Variants in COL16A1 observed in about 807,000 individuals in gnomAD.
COL16A1 encodes the protein collagen alpha-1(XVI) chain.
COL16A1 carries 189 observed loss-of-function variants against 266.3 expected under a neutral mutation model. The ratio of observed to expected loss-of-function variants is 0.71; its 90% CI spans 0.63 to 0.80. The LOEUF is 0.80. Ranked by LOEUF, COL16A1 falls within the 30% of genes least tolerant of loss-of-function variation. The pLI is 0.00. For missense variants in COL16A1, 1,928 were observed against 2,122.4 expected, an observed-to-expected ratio of 0.91 and a Z score of 1.80; for synonymous variants, 740 against 782.3, an observed-to-expected ratio of 0.95 and a Z score of 0.90.
At position 31,693,090 on chromosome 1, in the gene COL16A1, AC is replaced by A. The variant is rs745664772; in HGVS notation, c.1071+1del. On this transcript the variant is annotated splice_donor_variant, in intron 13 of 70. Transcript: ENST00000373672. LOFTEE classifies it high-confidence loss of function. The stretch of plus-strand genomic sequence containing the variant: ...TGCCACGGGCAGGGCTGGGACACTT[AC>A]CCGTGCTCCCTTCTCTCCCTTGGAG... The A allele has an allele frequency of 6.3e-7, 1 of 1,599,420 alleles. No individual in the cohort carries two copies. The highest frequency in any genetic ancestry group is 1.7e-5 in the Admixed American group (1 of 59,880).
chr1:31,686,289 A>G lies in COL16A1; in HGVS notation c.1804-10T>C, dbSNP rs747174288. 11 of 1,614,230 alleles carry G rather than the reference A, an allele frequency of 6.8e-6. No individual in the cohort carries two copies. The highest frequency in any genetic ancestry group is 8.5e-6 in the Non-Finnish European group (10 of 1,180,050). On this transcript the variant is annotated splice_polypyrimidine_tract_variant and intron_variant, in intron 26 of 70. Transcript: ENST00000373672. ...CCTCCCCGAAGTTACCCTGAGAGAA[A>G]GCACAGAAACCATGATTAAAGAGGG...
In COL16A1 at chr1:31,661,434, G is replaced by C. The variant is rs1387300550; in HGVS notation, c.3751C>G (p.Pro1251Ala). The change falls in exon 60 of 71, where the codon CCT becomes GCT. Residue 1251 changes from proline to alanine, a missense_variant. Coordinates refer to ENST00000373672, the MANE Select transcript of COL16A1 (RefSeq NM_001856.4). The stretch of plus-strand genomic sequence containing the variant: ...CTTACCTTAGGTCCTGGGAGGCCAG[G>C]ATGTCCTGTTTTCCCCTTAAAGCCC... The part of the protein sequence containing the change: ...PPGFKGKTGH[P>A]GLPGPKGDCG... 3.1e-6 allele frequency: 5 copies of C among 1,614,018 alleles called. No homozygotes were observed. The highest frequency in any genetic ancestry group is 4.2e-6 in the Non-Finnish European group (5 of 1,180,044).
intron 8 of COL16A1, among the ~76,000 whole-genome samples, chr1:31,696,574 G>A (rs1205045841): frequency 1.3e-5 from 2 of 152,246 alleles, no homozygotes; most frequent in Non-Finnish European, 2.9e-5. Context: ...AGGAGAGTGA[G>A]CCATCCCTGG....
In COL16A1 at chr1:31,683,111, A is replaced by G. The variant is rs143731757; in HGVS notation, c.2469+83T>C. The G allele has an allele frequency of 2.5e-4, 407 of 1,609,398 alleles. 1 individual carries two copies. The African/African-American group carries it at 4.8e-3, about 19-fold the overall frequency. On this transcript the variant is annotated intron_variant, in intron 36 of 70. Transcript: ENST00000373672. ...CTTAGGCAGCCCTCTGATAGGCATC[A>G]CTTGGCCCCCATGTCCCCTGTGCCT... is the stretch of plus-strand genomic sequence containing the variant.
intron 52 of COL16A1, 114 bp from the exon 53 acceptor site, chr1:31,666,195 T>C (rs1642130982): frequency 8.6e-7 from 1 of 1,163,200 alleles, no homozygotes; most frequent in African/African-American, 1.5e-5. Context: ...GGGAGGCCCC[T>C]GGGCTGGCAG....
chr1:31,666,540 C>T (rs903867202), intron 52 of COL16A1, among the ~76,000 whole-genome samples: 2 of 152,154 alleles, frequency 1.3e-5, no homozygotes, highest in Non-Finnish European at 2.9e-5. Context: ...ACACTCTATA[C>T]CCTCACACCC....
At chr1:31,666,217 C>G in intron 52 of COL16A1, 136 bp from the exon 53 acceptor site, 2 of 913,792 alleles carry the variant, frequency 2.2e-6, no homozygotes, top group Non-Finnish European at 3.3e-6. Flanking sequence ...CCCCCTCTGC[C>G]TGATCTGCTC....
chr1:31,655,292 A>G, intron 67 of COL16A1, 22 bp downstream of exon 67: 1 of 1,606,876 alleles, frequency 6.2e-7, no homozygotes, highest in Non-Finnish European at 8.5e-7. Context: ...CAGTGCCCAC[A>G]GCTGCCAGCC....
chr1:31,691,171 C>G lies in COL16A1; in HGVS notation c.1437+17G>C. ...GCATGGAGCTCCCCACGTGACCACA[C>G]TCCCACCTATGCTCACCTTGTCTCC... is the stretch of plus-strand genomic sequence containing the variant. On this transcript the variant is annotated intron_variant, in intron 20 of 70. Transcript: ENST00000373672. 6.2e-7 allele frequency: 1 copy of G among 1,613,154 alleles called. No homozygotes were observed. The highest frequency in any genetic ancestry group is 8.5e-7 in the Non-Finnish European group (1 of 1,179,550).
At chr1:31,672,328 C>A (rs529368665) in intron 47 of COL16A1, 88 bp downstream of exon 47, 31 of 1,460,576 alleles carry the variant, frequency 2.1e-5, no homozygotes, top group Non-Finnish European at 2.8e-5. Flanking sequence ...GGGCATCAGT[C>A]AGGTGAGGCC....
At position 31,685,687 on chromosome 1, in the gene COL16A1, TC is replaced by T. The variant is rs1307508471; in HGVS notation, c.1967del (p.Gly656GlufsTer25). ...VRVVALPGPS[G>X]EKGEPGPPGF... ...CTGGAGGCCCAGGTTCCCCCTTCTC[TC>T]CGGATGGGCCAGGCAAGGCCACCAC... On this transcript the variant is annotated frameshift_variant, in exon 29 of 71. Transcript: ENST00000373672. LOFTEE classifies it high-confidence loss of function. This position sits in a 1 kb window ranked among gnomAD's most constrained non-coding sequence, Gnocchi z 4.0. The T allele has an allele frequency of 6.2e-7, 1 of 1,613,736 alleles. No individual in the cohort carries two copies. The highest frequency in any genetic ancestry group is 8.5e-7 in the Non-Finnish European group (1 of 1,179,994).
intron 16 of COL16A1, 106 bp from the exon 17 acceptor site, chr1:31,692,173 T>C: frequency 6.5e-7 from 1 of 1,533,880 alleles, no homozygotes; most frequent in Non-Finnish European, 9.0e-7. Flanking sequence ...CTGGTCTCTG[T>C]CTCCCCTGAG....
At chr1:31,680,251 T>C in intron 39 of COL16A1, 150 bp from the exon 40 acceptor site, 2 of 1,154,302 alleles carry the variant, frequency 1.7e-6, no homozygotes, top group East Asian at 2.6e-5. Context: ...GGCAACCTGT[T>C]CAAACTCTCT....
intron 44 of COL16A1, chr1:31,673,160 G>A: frequency 2.4e-6 from 1 of 408,264 alleles, no homozygotes; most frequent in Non-Finnish European, 4.7e-6. Context: ...CCTGCAACCT[G>A]CACCCACTGC....
intron 26 of COL16A1, among the ~76,000 whole-genome samples, chr1:31,687,577 G>A (rs1309262164): frequency 6.6e-6 from 1 of 151,610 alleles, no homozygotes; most frequent in Non-Finnish European, 1.5e-5. Flanking sequence ...AAGTGGAGGG[G>A]GTGAGAGAGC....
intron 23 of COL16A1, 134 bp from the exon 24 acceptor site, chr1:31,689,219 CCAGCA>C (rs1234071476): frequency 7.1e-7 from 1 of 1,405,482 alleles, no homozygotes; most frequent in Non-Finnish European, 9.7e-7. Context: ...GGGTCCAAGG[CCAGCA>C]CCCCAGAGGC....
intron 16 of COL16A1, 119 bp downstream of exon 16, chr1:31,692,355 C>T (rs1644310076): frequency 6.9e-7 from 1 of 1,449,230 alleles, no homozygotes; most frequent in African/African-American, 1.4e-5. Context: ...GAGGGAGGGT[C>T]CTGCCAGCTC....
At position 31,662,397 on chromosome 1, in the gene COL16A1, G is replaced by A. The variant is rs1218301181; in HGVS notation, c.3628-10C>T. On this transcript the variant is annotated splice_polypyrimidine_tract_variant and intron_variant, in intron 57 of 70. Transcript: ENST00000373672. ...CCAGACCGGCGGGGCCCTGGAAACAGGAAAGAGGCATTTCTACATGCTGGT... is the reference window on the plus strand; with the variant it reads ...CCAGACCGGCGGGGCCCTGGAAACAAGAAAGAGGCATTTCTACATGCTGGT... 3.8e-6 allele frequency: 6 copies of A among 1,576,750 alleles called. No homozygotes were observed. In the East Asian group the frequency reaches 1.4e-4, roughly 36 times the overall value.
At position 31,652,384 on chromosome 1, in the gene COL16A1, A is replaced by C; in HGVS notation, c.*267T>G. 1 of 276,058 alleles carries C rather than the reference A, an allele frequency of 3.6e-6. No homozygotes were observed. 17.1% of individuals were successfully genotyped at this position (276,058 alleles called of 1,614,324 possible). On this transcript the variant is annotated 3_prime_UTR_variant, in exon 71 of 71. Transcript: ENST00000373672. This position sits in a 1 kb window ranked among gnomAD's most constrained non-coding sequence, Gnocchi z 4.8. ...CCCTTGAATAGCTAGGATTACAGGT[A>C]TATGCCCCTGTACCCAAAATGCCCT...
Sources: gnomAD v4.1 joint callset for allele counts (sites outside exome capture counted in the v4.1 genomes callset) on GRCh38, gnomAD v4.1.1 for gene constraint, Gnocchi (gnomAD v3.1) non-coding constraint, MANE v1.5 for transcripts, NCBI Gene and HGNC (gene_info 2026-07-23, HGNC 2026-07-21) for gene names.